Variants in SLC4A2 observed in about 807,000 individuals in gnomAD.
SLC4A2 encodes anion exchange protein 2.
In SLC4A2, 36 loss-of-function variants were observed where a neutral mutation model predicts 115.0. The ratio of observed to expected loss-of-function variants is 0.31; its 90% CI spans 0.24 to 0.41. The LOEUF is 0.41. Ranked by LOEUF, SLC4A2 falls within the 10% of genes least tolerant of loss-of-function variation. The probability of loss-of-function intolerance (pLI) is 1.00; values close to 1 mark genes in which losing one functional copy is unlikely to be tolerated. For missense variants in SLC4A2, 1,252 were observed against 1,705.6 expected (o/e 0.73, Z 4.68); for synonymous variants, 708 against 708.3 (o/e 1.00, Z 0.01).
intron 10 of SLC4A2, 48 bp downstream of exon 10, chr7:151,070,394 G>A (rs779080111): frequency 6.2e-7 from 1 of 1,611,132 alleles, no homozygotes; most frequent in Non-Finnish European, 8.5e-7. Flanking sequence ...GGCTGAGGAA[G>A]CCTGGGTGTG....
At position 151,070,281 on chromosome 7, in the gene SLC4A2, G is replaced by A. The variant is rs1161897061; in HGVS notation, c.1384G>A (p.Asp462Asn). ...GHHHGQGAES[D>N]PHVTEPLMGG... ...TCACCATGGTCAGGGGGCTGAGAGT[G>A]ACCCCCACGTCACCGAGCCTCTCAT... Residue 462 changes from aspartate (D) to asparagine (N), a missense_variant, in exon 10 of 23, where the codon GAC becomes AAC. By Grantham distance (23) the Asp-to-Asn change is conservative. This residue lies in a region of SLC4A2 where 142 missense variants were observed against 153.5 expected (regional missense o/e 0.93). Coordinates refer to ENST00000413384, the MANE Select transcript of SLC4A2 (RefSeq NM_003040.4). The A allele has an allele frequency of 6.2e-7, 1 of 1,613,890 alleles. No homozygotes were observed. The highest frequency in any genetic ancestry group is 1.1e-5 in the South Asian group (1 of 91,048).
At position 151,061,846 on chromosome 7, in the gene SLC4A2, C is replaced by G. The variant is rs1388602487; in HGVS notation, c.-63-79C>G. 3 of 698,040 alleles carry G rather than the reference C, an allele frequency of 4.3e-6. No homozygotes were observed. In the African/African-American group the frequency reaches 5.3e-5, roughly 12 times the overall value. 43.2% of individuals were successfully genotyped at this position (698,040 alleles called of 1,614,324 possible). A position where few individuals can be genotyped will look rare whatever the true frequency, so the allele number is the denominator to read the frequency against. ...GAGGCCCTTCATACTCCAGGAGGAT[C>G]CCCAGCAGCGCAGCCTGCGCGTGGT... On this transcript the variant is annotated intron_variant, in intron 1 of 22. Transcript: ENST00000413384.
chr7:151,075,055 G>A, intron 19 of SLC4A2, 200 bp from the exon 20 acceptor site: 1 of 911,802 alleles, frequency 1.1e-6, no homozygotes, highest in Non-Finnish European at 1.7e-6. Context: ...CCCTGGCAGT[G>A]CTAGCTGGGA....
rs202158046 is a variant in SLC4A2 at position 151,066,867 on chromosome 7, C to T, written c.840C>T (p.Asp280=). 3.0e-4 allele frequency: 484 copies of T among 1,613,064 alleles called. 3 individuals are homozygous for T. In the South Asian group the frequency reaches 4.7e-3, roughly 16 times the overall value. Residue 280 remains aspartate, a synonymous_variant, in exon 7 of 23, where the codon GAC becomes GAT. Coordinates refer to ENST00000413384, the MANE Select transcript of SLC4A2 (RefSeq NM_003040.4). ...LDLMKSHRFE[D]VPGVRRHLVR... ...CCCCCACAGGTCACCGGTTTGAGGA[C>T]GTTCCTGGGGTGCGGCGGCACTTGG...
chr7:151,076,302 G>C lies in SLC4A2; in HGVS notation c.3661G>C (p.Ala1221Pro). The change falls in exon 23 of 23, where the codon GCA (alanine) becomes CCA (proline). Residue 1221 changes from alanine (A) to proline (P), a missense_variant. Physicochemically the swap from Ala to Pro is conservative, Grantham distance 27. Coordinates refer to ENST00000413384, the MANE Select transcript of SLC4A2 (RefSeq NM_003040.4). ...CCACACACAGCTGGATGCTAACGAGGCAGAGCCGGTGTTTGATGAGCGGGA... is the reference window on the plus strand; with the variant it reads ...CCACACACAGCTGGATGCTAACGAGCCAGAGCCGGTGTTTGATGAGCGGGA... ...REMKCLDANE[A>P]EPVFDEREGV... The C allele has an allele frequency of 1.3e-6, 2 of 1,553,406 alleles. No individual in the cohort carries two copies. Among genetic ancestry groups the C allele is most frequent in the Non-Finnish European group, 1.7e-6 (2 of 1,147,300 alleles).
chr7:151,067,906 C>T lies in SLC4A2; in HGVS notation c.999C>T (p.Asp333=). The T allele has an allele frequency of 6.2e-7, 1 of 1,611,684 alleles. No homozygotes were observed. The highest frequency in any genetic ancestry group is 1.1e-5 in the South Asian group (1 of 90,784). ...VFVELNELLL[D]KNQEPQWRET... ...TGGAGCTGAATGAGTTGCTCCTGGA[C>T]AAAAACCAGGAGCCCCAGTGGCGGG... The change falls in exon 8 of 23, where the codon GAC becomes GAT. Residue 333 remains aspartate (D), a synonymous_variant. Coordinates refer to ENST00000413384, the MANE Select transcript of SLC4A2 (RefSeq NM_003040.4).
intron 19 of SLC4A2, 199 bp from the exon 20 acceptor site, chr7:151,075,056 C>A: frequency 1.1e-6 from 1 of 913,212 alleles, no homozygotes; most frequent in Non-Finnish European, 1.7e-6. Flanking sequence ...CCTGGCAGTG[C>A]TAGCTGGGAG....
intron 2 of SLC4A2, among the ~76,000 whole-genome samples, chr7:151,063,605 G>T (rs914336465): frequency 6.6e-6 from 1 of 150,538 alleles, no homozygotes; most frequent in South Asian, 2.1e-4. Flanking sequence ...ATCTGAGGGG[G>T]CAGACTGCTG....
Position 151,071,775 on chromosome 7 carries a change from C to G in SLC4A2, c.2278C>G (p.Gln760Glu). The stretch of plus-strand genomic sequence containing the variant: ...CGTGGTCTTCTGCCTGCTGGGTGCC[C>G]AGCCCCTGTTGGTGATCGGCTTCTC... ...QGVVFCLLGAQPLLVIGFSGP... is the reference protein window; with the variant it reads ...QGVVFCLLGAEPLLVIGFSGP... The change falls in exon 15 of 23, where the codon CAG becomes GAG. Residue 760 changes from glutamine (Q) to glutamate (E), a missense_variant. Around this residue, in one of 14 missense-constraint regions of SLC4A2, gnomAD observed 118 missense variants for 203.3 expected, o/e 0.58. Transcript: ENST00000413384. The surrounding 1 kb of genome is among the most constrained non-coding windows in gnomAD (Gnocchi z 5.5). The G allele has an allele frequency of 6.2e-7, 1 of 1,612,336 alleles. No individual in the cohort carries two copies. Among genetic ancestry groups the G allele is most frequent in the Non-Finnish European group, 8.5e-7 (1 of 1,179,614 alleles).
At chr7:151,075,807 G>A (rs1211433284) in intron 21 of SLC4A2, 32 bp downstream of exon 21, 7 of 1,587,118 alleles carry the variant, frequency 4.4e-6, no homozygotes, top group Admixed American at 3.4e-5. Context: ...CGGAAGGGGT[G>A]TGCCTCTGGC....
intron 16 of SLC4A2, among the ~76,000 whole-genome samples, chr7:151,072,678 CAG>C (rs1483209247): frequency 2.1e-5 from 3 of 143,282 alleles, no homozygotes; most frequent in East Asian, 4.1e-4. Flanking sequence ...TTTTTTGAGA[CAG>C]AGTGTTGCTT....
In SLC4A2 at chr7:151,064,866, G is replaced by C; in HGVS notation, c.478G>C (p.Asp160His). 1 of 1,614,012 alleles carries C rather than the reference G, an allele frequency of 6.2e-7. No homozygotes were observed. Among genetic ancestry groups the C allele is most frequent in the Non-Finnish European group, 8.5e-7 (1 of 1,179,994 alleles). ...GTTACAGTTCTTTCTCCAAGAGGAT[G>C]ACAGTGCTGACCGGAAGGCAGAGAG... The part of the protein sequence containing the change: ...SSVQFFLQED[D>H]SADRKAERTS... Residue 160 changes from aspartate (D) to histidine (H), a missense_variant, in exon 5 of 23, where the codon GAC becomes CAC. Physicochemically the swap from Asp to His is moderately conservative, Grantham distance 81 (BLOSUM62 -1). This residue lies in a region of SLC4A2 where 215 missense variants were observed against 205.2 expected (regional missense o/e 1.05). Transcript: ENST00000413384.
Position 151,070,094 on chromosome 7 carries a change from T to G in SLC4A2, c.1283+12T>G, listed in dbSNP as rs1443932278. On this transcript the variant is annotated intron_variant, in intron 9 of 22. Coordinates refer to ENST00000413384, the MANE Select transcript of SLC4A2 (RefSeq NM_003040.4). The stretch of plus-strand genomic sequence containing the variant: ...CTGTTGAAACACAGGTGAGGCCCTG[T>G]GGGCCAGTTGGGGATGACACTTCAG... 3 of 1,613,888 alleles carry G rather than the reference T, an allele frequency of 1.9e-6. No homozygotes were observed. In the South Asian group the frequency reaches 3.3e-5, roughly 18 times the overall value.
intron 16 of SLC4A2, 80 bp from the exon 17 acceptor site, chr7:151,073,959 C>T (rs891911677): frequency 2.1e-5 from 30 of 1,455,024 alleles, no homozygotes; most frequent in Non-Finnish European, 2.7e-5. Context: ...TGCCCCACCC[C>T]TTCCACCCGA....
At position 151,066,228 on chromosome 7, in the gene SLC4A2, G is replaced by GTC. The variant is rs1434340207; in HGVS notation, c.579-286_579-285dup. ...CCCCTCATGGCACCGCCAAAGGCTG[G>GTC]TCTCAGCCCTGGCTGCTGAGGAGCA... On this transcript the variant is annotated intron_variant, in intron 5 of 22. Transcript: ENST00000413384. Among the ~76,000 whole-genome samples the GTC allele has an allele frequency of 3.3e-5, 5 of 152,356 alleles. No homozygotes were observed. In the South Asian group the frequency reaches 6.2e-4, roughly 19 times the overall value.
At chr7:151,063,113 G>T (rs1797109029) in intron 2 of SLC4A2, 2 of 1,525,094 alleles carry the variant, frequency 1.3e-6, no homozygotes, top group South Asian at 1.2e-5. Flanking sequence ...GCTTAGCTGG[G>T]CTGAGCTCTT....
Position 151,071,636 on chromosome 7 carries a change from G to C in SLC4A2, c.2191+31G>C, listed in dbSNP as rs1382264497. On this transcript the variant is annotated intron_variant, in intron 14 of 22. Coordinates refer to ENST00000413384, the MANE Select transcript of SLC4A2 (RefSeq NM_003040.4). This position sits in a 1 kb window ranked among gnomAD's most constrained non-coding sequence, Gnocchi z 5.5. ...GAGAGCCTTCAGGTAGGGGGCGGCGGGGACTGCCCAGGGCCTGGCCACCAG... is the reference window on the plus strand; with the variant it reads ...GAGAGCCTTCAGGTAGGGGGCGGCGCGGACTGCCCAGGGCCTGGCCACCAG... 3 of 1,613,320 alleles carry C rather than the reference G, an allele frequency of 1.9e-6. No homozygotes were observed. In the South Asian group the frequency reaches 3.3e-5, roughly 18 times the overall value.
chr7:151,060,675 G>A lies in SLC4A2; in HGVS notation c.-64+913G>A, dbSNP rs965422015. On this transcript the variant is annotated intron_variant, in intron 1 of 22. Transcript: ENST00000413384. This position sits in a 1 kb window ranked among gnomAD's most constrained non-coding sequence, Gnocchi z 5.9. The stretch of plus-strand genomic sequence containing the variant: ...GTGGGCGCCTGCAGGTGCTCTGGGC[G>A]GACTCTCCCCACACCCTTCCCAGAC... 2.0e-5 allele frequency among the ~76,000 whole-genome samples: 3 copies of A among 152,098 alleles called. No individual in the cohort carries two copies. The highest frequency in any genetic ancestry group is 7.2e-5 in the African/African-American group (3 of 41,388).
At position 151,064,627 on chromosome 7, in the gene SLC4A2, C is replaced by A; in HGVS notation, c.319C>A (p.Arg107=). 2 of 1,613,576 alleles carry A rather than the reference C, an allele frequency of 1.2e-6. No homozygotes were observed. Among genetic ancestry groups the A allele is most frequent in the South Asian group, 1.1e-5 (1 of 91,074 alleles). Residue 107 remains arginine, a synonymous_variant, in exon 4 of 23, where the codon CGA becomes AGA. Coordinates refer to ENST00000413384, the MANE Select transcript of SLC4A2 (RefSeq NM_003040.4). ...KTPQGPGRKP[R]RRPGASPTGE... ...ACCCCAGGGCCCAGGACGGAAGCCTCGAAGGCGCCCGGGAGCCTCCCCGAC... is the reference window on the plus strand; with the variant it reads ...ACCCCAGGGCCCAGGACGGAAGCCTAGAAGGCGCCCGGGAGCCTCCCCGAC...
Sources: allele counts gnomAD v4.1 joint callset (sites outside exome capture counted in the v4.1 genomes callset), GRCh38; gene constraint gnomAD v4.1.1; regional missense constraint gnomAD v4.1.1; non-coding constraint Gnocchi (gnomAD v3.1); transcripts MANE v1.5; gene names NCBI Gene and HGNC (gene_info 2026-07-23, HGNC 2026-07-21).